Variants in HMSD observed in about 807,000 individuals in gnomAD.
HMSD encodes the protein serpin-like protein HMSD.
A neutral mutation model predicts 10.0 loss-of-function variants in HMSD; 13 were observed. The ratio of observed to expected loss-of-function variants is 1.31; its 90% confidence interval spans 0.85 to 2.08. The LOEUF (loss-of-function observed/expected upper bound fraction) is 2.08, where lower values mean the gene tolerates loss of function less well. HMSD is among the 30% of genes most tolerant of loss of function. The probability of loss-of-function intolerance (pLI) is 0.00; values close to 1 mark genes in which losing one functional copy is unlikely to be tolerated. For synonymous variants in HMSD, 51 were observed against 54.2 expected (o/e 0.94, Z 0.26); for missense variants, 169 against 166.3 (o/e 1.02, Z -0.09).
At chr18:63,956,826 G>A (rs911927533) in intron 3 of HMSD, among the ~76,000 whole-genome samples, 2 of 152,134 alleles carry the variant, frequency 1.3e-5, no homozygotes, top group African/African-American at 4.8e-5. Context: ...CAACCTAAAT[G>A]CCCATCAATA....
In HMSD at chr18:63,961,507, C is replaced by T. The variant is rs1049405451; in HGVS notation, c.*1152C>T. 6.6e-6 allele frequency: 1 copy of T among 152,162 alleles called. No individual in the cohort carries two copies. Among genetic ancestry groups the T allele is most frequent in the African/African-American group, 2.4e-5 (1 of 41,402 alleles). The allele number at this position is 152,162 out of a possible 1,614,324, so 9.4% of individuals were successfully genotyped here. ...GCCTCAGAGGCCTGGCCATGAAGTCCCCTGCTCTTGTCAGATATGTGCACC... is the reference window on the plus strand; with the variant it reads ...GCCTCAGAGGCCTGGCCATGAAGTCTCCTGCTCTTGTCAGATATGTGCACC... On this transcript the variant is annotated 3_prime_UTR_variant, in exon 4 of 4. Transcript: ENST00000408945.
At chr18:63,967,944 C>A (rs963472927) in intron 3 of HMSD, 5 of 152,188 alleles carry the variant, frequency 3.3e-5, no homozygotes, top group Non-Finnish European at 5.9e-5. Flanking sequence ...AAAATAAATA[C>A]AATTAATCCT....
At chr18:63,963,117 CTTTCTT>C (rs2050395685), downstream of HMSD, among the ~76,000 whole-genome samples, 1 of 126,424 alleles carries the variant, frequency 7.9e-6, no homozygotes, top group Admixed American at 7.8e-5. Flanking sequence ...TTCTTTCTTT[CTTTCTT>C]TCTTTCTTTC....
At chr18:63,959,342 G>T (rs2050374512) in intron 3 of HMSD, among the ~76,000 whole-genome samples, 1 of 152,184 alleles carries the variant, frequency 6.6e-6, no homozygotes, top group South Asian at 2.1e-4. Context: ...ATTTAGTGTT[G>T]TCAGTGTGTT....
At chr18:63,967,189 G>C (rs547389634) in intron 3 of HMSD, among the ~76,000 whole-genome samples, 49 of 152,296 alleles carry the variant, frequency 3.2e-4, no homozygotes, top group African/African-American at 1.1e-3. Flanking sequence ...CCAGGCTGGA[G>C]TGCAGTGGCA....
In HMSD at chr18:63,953,462, A is replaced by C. The variant is rs1335201389; in HGVS notation, c.7A>C (p.Ile3Leu). ...ACAACTTATTTTTTTCCCCATGAGCATATCATCAGCCTTGGCCATGGTTTT... is the reference window on the plus strand; with the variant it reads ...ACAACTTATTTTTTTCCCCATGAGCCTATCATCAGCCTTGGCCATGGTTTT... MS[I>L]SSALAMVFMG... Residue 3 changes from isoleucine (I) to leucine (L), a missense_variant, in exon 2 of 4, where the codon ATA becomes CTA. By Grantham distance (5) the Ile-to-Leu change is conservative. Coordinates refer to ENST00000408945, the MANE Select transcript of HMSD (RefSeq NM_001123366.2). 7 of 1,613,956 alleles carry C rather than the reference A, an allele frequency of 4.3e-6. No individual in the cohort carries two copies. The highest frequency in any genetic ancestry group is 5.9e-6 in the Non-Finnish European group (7 of 1,179,854).
At chr18:63,962,966 G>A (rs2050392416), downstream of HMSD, among the ~76,000 whole-genome samples, 1 of 152,054 alleles carries the variant, frequency 6.6e-6, no homozygotes, top group Non-Finnish European at 1.5e-5. Flanking sequence ...ATGCACACCT[G>A]ATTGGCGTAT....
chr18:63,955,748 T>G (rs2050354646), intron 3 of HMSD, among the ~76,000 whole-genome samples: 2 of 151,596 alleles, frequency 1.3e-5, no homozygotes, highest in South Asian at 4.2e-4. Flanking sequence ...AGAAACCATG[T>G]CGAGATCCAT....
chr18:63,954,564 C>T lies in HMSD; in HGVS notation c.222+7C>T, dbSNP rs749665971. The T allele has an allele frequency of 6.2e-7, 1 of 1,603,662 alleles. No homozygotes were observed. Among genetic ancestry groups the T allele is most frequent in the African/African-American group, 1.3e-5 (1 of 74,732 alleles). ...GTCTTATGATTTCCTCACAGTAAGTCATACTTGTTTATTAGGAAAATAAAG... is the reference window on the plus strand; with the variant it reads ...GTCTTATGATTTCCTCACAGTAAGTTATACTTGTTTATTAGGAAAATAAAG... On this transcript the variant is annotated splice_region_variant and intron_variant, in intron 3 of 3. Transcript: ENST00000408945.
At chr18:63,954,078 G>A (rs2050344647) in intron 2 of HMSD, among the ~76,000 whole-genome samples, 1 of 152,188 alleles carries the variant, frequency 6.6e-6, no homozygotes, top group African/African-American at 2.4e-5. Flanking sequence ...CAGGACACAT[G>A]GTTGGCAGCT....
intron 3 of HMSD, among the ~76,000 whole-genome samples, chr18:63,955,402 T>G (rs2050352818): frequency 6.6e-6 from 1 of 152,176 alleles, no homozygotes; most frequent in Non-Finnish European, 1.5e-5. Flanking sequence ...CTCTGGCCCA[T>G]TACAGACAGG....
At chr18:63,963,544 C>T (rs2050399152), downstream of HMSD, among the ~76,000 whole-genome samples, 1 of 152,098 alleles carries the variant, frequency 6.6e-6, no homozygotes, top group South Asian at 2.1e-4. Context: ...AGTTTGCTTT[C>T]TCTAGCTGCT....
At chr18:63,954,658 G>T in intron 3 of HMSD, 101 bp downstream of exon 3, 2 of 959,128 alleles carry the variant, frequency 2.1e-6, no homozygotes, top group Non-Finnish European at 3.2e-6. Flanking sequence ...CCTGAACTCA[G>T]AACTCCACGC....
intron 3 of HMSD, chr18:63,968,486 T>C (rs529191881): frequency 2.6e-5 from 4 of 152,400 alleles, no homozygotes; most frequent in African/African-American, 9.6e-5. Context: ...TTCATGGTGC[T>C]ATCTTGTGCC....
chr18:63,953,674 G>A, intron 2 of HMSD, 147 bp downstream of exon 2: 8 of 714,888 alleles, frequency 1.1e-5, no homozygotes, highest in Non-Finnish European at 1.9e-5. Context: ...TGGCAGGATG[G>A]AGCATGTTTT....
At chr18:63,954,607 A>G (rs758251436) in intron 3 of HMSD, 50 bp downstream of exon 3, 7 of 1,529,326 alleles carry the variant, frequency 4.6e-6, no homozygotes, top group Non-Finnish European at 5.4e-6. Flanking sequence ...TGTGGTGGGA[A>G]GTAGGAGAAT....
downstream of HMSD, among the ~76,000 whole-genome samples, chr18:63,962,261 T>A (rs2144764944): frequency 6.6e-6 from 1 of 152,338 alleles, no homozygotes. Flanking sequence ...CAATGTCTGG[T>A]AATGCCAAAC....
At chr18:63,953,136 T>C (rs979169264) in intron 1 of HMSD, among the ~76,000 whole-genome samples, 1 of 152,234 alleles carries the variant, frequency 6.6e-6, no homozygotes, top group African/African-American at 2.4e-5. Flanking sequence ...TCAATTTCTT[T>C]GCTTGTAAAG....
At chr18:63,950,369 T>C (rs981807815) in intron 1 of HMSD, among the ~76,000 whole-genome samples, 1 of 130,212 alleles carries the variant, frequency 7.7e-6, no homozygotes, top group Non-Finnish European at 1.5e-5. Context: ...TGAGCCAAGA[T>C]TGCACCACTG....
Sources: gnomAD v4.1 joint callset for allele counts (sites outside exome capture counted in the v4.1 genomes callset) on GRCh38, gnomAD v4.1.1 for gene constraint, MANE v1.5 for transcripts, NCBI Gene and HGNC (gene_info 2026-07-23, HGNC 2026-07-21) for gene names.